The following SCHIP1 variants were observed in gnomAD, a reference collection of about 807,000 sequenced individuals.
The protein encoded by SCHIP1 is schwannomin interacting protein 1, also known as schwannomin-interacting protein 1.
SCHIP1 carries 8 observed loss-of-function variants against 29.7 expected under a neutral mutation model. The observed-to-expected ratio is 0.27, with a 90% CI of 0.16 to 0.49. SCHIP1 has a LOEUF of 0.49. Ranked by LOEUF, SCHIP1 falls within the 20% of genes least tolerant of loss-of-function variation. The pLI is 0.99. For synonymous variants in SCHIP1, 76 were observed against 94.9 expected, an observed-to-expected ratio of 0.80 and a Z score of 1.16; for missense variants, 193 against 294.6, an observed-to-expected ratio of 0.66 and a Z score of 2.52.
chr3:159,575,738 GT>G, the SCHIP1 span, among the ~76,000 whole-genome samples: 2 of 152,140 alleles, frequency 1.3e-5, no homozygotes, highest in African/African-American at 4.8e-5. Flanking sequence ...CCCAGCCACT[GT>G]TTTTTTAATT....
At chr3:159,511,851 T>C in the SCHIP1 span, among the ~76,000 whole-genome samples, 5 of 152,148 alleles carry the variant, frequency 3.3e-5, no homozygotes, top group Non-Finnish European at 7.3e-5. Flanking sequence ...CAATTATACA[T>C]GAATTAAAAA....
chr3:159,780,477 A>T, the SCHIP1 span, among the ~76,000 whole-genome samples: 4 of 152,224 alleles, frequency 2.6e-5, no homozygotes, highest in Non-Finnish European at 5.9e-5. Flanking sequence ...ATTAATAAAT[A>T]CATTTCTCTT....
At chr3:159,534,279 T>C in the SCHIP1 span, among the ~76,000 whole-genome samples, 1 of 152,176 alleles carries the variant, frequency 6.6e-6, no homozygotes. Context: ...TTCATACCAA[T>C]AGATGAACTA....
At chr3:159,665,054 CG>C in the SCHIP1 span, among the ~76,000 whole-genome samples, 1 of 152,078 alleles carries the variant, frequency 6.6e-6, no homozygotes, top group Admixed American at 6.5e-5. Context: ...TTACAATCAC[CG>C]GGGGGACTTT....
the SCHIP1 span, among the ~76,000 whole-genome samples, chr3:159,769,776 A>T: frequency 6.6e-6 from 1 of 152,196 alleles, no homozygotes; most frequent in Admixed American, 6.5e-5. Flanking sequence ...TAAAATAAAA[A>T]TAGCTTTATT....
the SCHIP1 span, among the ~76,000 whole-genome samples, chr3:159,518,024 T>A: frequency 6.6e-6 from 1 of 152,042 alleles, no homozygotes; most frequent in Non-Finnish European, 1.5e-5. Flanking sequence ...AAAAATATGG[T>A]CTATTCATAT....
chr3:159,678,146 T>C, the SCHIP1 span, among the ~76,000 whole-genome samples: 1 of 152,276 alleles, frequency 6.6e-6, no homozygotes, highest in African/African-American at 2.4e-5. Flanking sequence ...TCTCCTCTTT[T>C]GAATCCACAG....
At chr3:159,883,224 A>G (rs566013009) in intron 2 of SCHIP1, among the ~76,000 whole-genome samples, 2 of 152,306 alleles carry the variant, frequency 1.3e-5, no homozygotes, top group South Asian at 4.2e-4. Flanking sequence ...CCTTGAAATT[A>G]TATCTCTAAT....
chr3:159,450,807 C>CTTTTT, the SCHIP1 span, among the ~76,000 whole-genome samples: 3 of 123,062 alleles, frequency 2.4e-5, no homozygotes, highest in East Asian at 2.4e-4. Flanking sequence ...ATTTAGTATT[C>CTTTTT]TTTTTTTTTT....
chr3:159,288,004 G>A, the SCHIP1 span, among the ~76,000 whole-genome samples: 1 of 152,098 alleles, frequency 6.6e-6, no homozygotes, highest in Non-Finnish European at 1.5e-5. Context: ...TAAAAGTAGG[G>A]AAAAGATGAG....
At chr3:159,285,742 A>G in the SCHIP1 span, among the ~76,000 whole-genome samples, 2 of 152,160 alleles carry the variant, frequency 1.3e-5, no homozygotes, top group Admixed American at 6.5e-5. Flanking sequence ...CTAAAATTTC[A>G]TGTTAATTTA....
chr3:159,445,469 C>T, the SCHIP1 span, among the ~76,000 whole-genome samples: 2 of 151,426 alleles, frequency 1.3e-5, no homozygotes, highest in Non-Finnish European at 1.5e-5. Flanking sequence ...GTCAGTGTGG[C>T]GATTCCTCAG....
At chr3:159,872,790 T>C in intron 2 of SCHIP1, among the ~76,000 whole-genome samples, 1 of 152,206 alleles carries the variant, frequency 6.6e-6, no homozygotes, top group African/African-American at 2.4e-5. Context: ...AGTAATAATG[T>C]AGGAGAAAAG....
the SCHIP1 span, among the ~76,000 whole-genome samples, chr3:159,499,125 A>G: frequency 7.9e-3 from 1,205 of 152,320 alleles, 23 homozygotes; most frequent in Admixed American, 0.044. Context: ...TTGAAAGAAT[A>G]TCAAAGTTCT....
the SCHIP1 span, among the ~76,000 whole-genome samples, chr3:159,743,595 A>G: frequency 6.6e-6 from 1 of 152,214 alleles, no homozygotes; most frequent in African/African-American, 2.4e-5. Flanking sequence ...ATTTCCTTTT[A>G]TTTCCTGCTC....
chr3:159,719,743 T>C, the SCHIP1 span, among the ~76,000 whole-genome samples: 1 of 152,322 alleles, frequency 6.6e-6, no homozygotes, highest in East Asian at 1.9e-4. Flanking sequence ...CAATAGGTGC[T>C]GGAGAAGATG....
At chr3:159,510,616 T>G in the SCHIP1 span, among the ~76,000 whole-genome samples, 5 of 152,216 alleles carry the variant, frequency 3.3e-5, no homozygotes, top group Admixed American at 3.3e-4. Context: ...CCTTTGGTCT[T>G]TGATGATGGT....
intron 1 of SCHIP1, among the ~76,000 whole-genome samples, chr3:159,849,400 C>T (rs894767070): frequency 1.3e-5 from 2 of 152,120 alleles, no homozygotes; most frequent in African/African-American, 4.8e-5. Flanking sequence ...CTTGCAGTCT[C>T]TAAATTATTA....
intron 2 of SCHIP1, among the ~76,000 whole-genome samples, chr3:159,870,765 C>T (rs1029539268): frequency 2.0e-5 from 3 of 151,598 alleles, no homozygotes; most frequent in Admixed American, 2.0e-4. Context: ...GTATTCTTTT[C>T]TTCTGACATT....
Sources: gnomAD v4.1 joint callset for allele counts (sites outside exome capture counted in the v4.1 genomes callset) on GRCh38, gnomAD v4.1.1 for gene constraint, MANE v1.5 for transcripts, NCBI Gene and HGNC (gene_info 2026-07-23, HGNC 2026-07-21) for gene names.